Variants in ADAM17 observed in about 807,000 individuals in gnomAD.
ADAM17 encodes the protein disintegrin and metalloproteinase domain-containing protein 17.
ADAM17 carries 39 observed loss-of-function variants against 96.7 expected under a neutral mutation model. That is an observed-to-expected ratio of 0.40 (90% CI 0.31 to 0.53). The LOEUF (loss-of-function observed/expected upper bound fraction) is 0.53. Among genes scored for constraint, ADAM17 ranks in the 20% least tolerant of loss-of-function variants. ADAM17 has a pLI of 0.44. For missense variants in ADAM17, 777 were observed against 1,013.2 expected (o/e 0.77, Z 3.17); for synonymous variants, 344 against 359.2 (o/e 0.96, Z 0.48).
chr2:9,491,012 G>T, intron 18 of ADAM17, 89 bp downstream of exon 18: 1 of 1,201,528 alleles, frequency 8.3e-7, no homozygotes, highest in Non-Finnish European at 1.2e-6. Flanking sequence ...ATCAGCCAGT[G>T]AAAGCTCTTG....
At chr2:9,553,687 A>G (rs1424978344) in intron 1 of ADAM17, among the ~76,000 whole-genome samples, 2 of 150,122 alleles carry the variant, frequency 1.3e-5, no homozygotes, top group Admixed American at 1.3e-4. Context: ...AAAAAAAAAA[A>G]AAAGAAAGAA....
intron 7 of ADAM17, chr2:9,522,475 A>G: frequency 3.4e-6 from 2 of 585,394 alleles, no homozygotes; most frequent in Non-Finnish European, 6.4e-6. Context: ...AAGAGAATGA[A>G]AAGGGAAAAA....
At chr2:9,493,642 C>T (rs1662334860) in intron 16 of ADAM17, 105 bp downstream of exon 16, 1 of 935,824 alleles carries the variant, frequency 1.1e-6, no homozygotes, top group Non-Finnish European at 1.6e-6. Flanking sequence ...AATAGTTCCA[C>T]CTTCTACTGC....
chr2:9,492,233 C>G (rs1662214506), intron 17 of ADAM17, among the ~76,000 whole-genome samples: 1 of 152,236 alleles, frequency 6.6e-6, no homozygotes, highest in Admixed American at 6.5e-5. Flanking sequence ...TTTCTCATCT[C>G]TACAGCAGAC....
At chr2:9,510,978 C>A (rs1217611538) in intron 10 of ADAM17, among the ~76,000 whole-genome samples, 2 of 152,162 alleles carry the variant, frequency 1.3e-5, no homozygotes, top group Non-Finnish European at 1.5e-5. Flanking sequence ...TATACTGGAA[C>A]ATTCATAACA....
intron 10 of ADAM17, among the ~76,000 whole-genome samples, chr2:9,515,758 AG>A (rs1256629044): frequency 6.6e-6 from 1 of 151,546 alleles, no homozygotes; most frequent in Non-Finnish European, 1.5e-5. Context: ...AAAAGAAAAA[AG>A]AAAAAGAAAA....
rs1037368849 is a variant in ADAM17, at chr2:9,538,150, G to A, written c.231-1322C>T. On this transcript the variant is annotated intron_variant, in intron 2 of 18. Coordinates refer to ENST00000310823, the MANE Select transcript of ADAM17 (RefSeq NM_003183.6). ...TTCCATCCTTACATGAAAACTAGGA[G>A]TGGTGAGCAAGACTTTCTCAAGTAT... 2.3e-4 allele frequency among the ~76,000 whole-genome samples: 35 copies of A among 152,222 alleles called. 1 individual carries two copies. The South Asian group carries it at 4.2e-3, about 18-fold the overall frequency.
At chr2:9,518,578 T>G (rs560152642) in intron 8 of ADAM17, among the ~76,000 whole-genome samples, 1 of 152,264 alleles carries the variant, frequency 6.6e-6, no homozygotes, top group East Asian at 1.9e-4. Flanking sequence ...GATGCTCCAA[T>G]TCGATAAGGG....
chr2:9,552,853 C>T (rs1285929292), intron 1 of ADAM17, among the ~76,000 whole-genome samples: 1 of 152,084 alleles, frequency 6.6e-6, no homozygotes, highest in Non-Finnish European at 1.5e-5. Flanking sequence ...AAAAACCAGG[C>T]TTCATTTTAT....
At chr2:9,533,585 C>T (rs1389781452) in intron 4 of ADAM17, among the ~76,000 whole-genome samples, 1 of 152,138 alleles carries the variant, frequency 6.6e-6, no homozygotes, top group East Asian at 1.9e-4. Flanking sequence ...AGGAAATAAG[C>T]AGACATATGC....
At chr2:9,551,776 T>A (rs1353729389) in intron 1 of ADAM17, among the ~76,000 whole-genome samples, 2 of 152,176 alleles carry the variant, frequency 1.3e-5, no homozygotes, top group African/African-American at 4.8e-5. Flanking sequence ...TATTTTTAAG[T>A]AACTTTTTTT....
chr2:9,545,829 C>T (rs1222807083), intron 1 of ADAM17, among the ~76,000 whole-genome samples: 2 of 152,032 alleles, frequency 1.3e-5, no homozygotes, highest in African/African-American at 4.8e-5. Context: ...GGCGGTGGCT[C>T]GCTCCTGTAA....
intron 10 of ADAM17, 84 bp downstream of exon 10, chr2:9,517,817 T>TA (rs1558511656): frequency 1.1e-6 from 1 of 906,650 alleles, no homozygotes; most frequent in Non-Finnish European, 1.5e-6. Flanking sequence ...TTACATTTTT[T>TA]AAAAAAATAC....
chr2:9,507,811 C>A (rs540201088), intron 11 of ADAM17, among the ~76,000 whole-genome samples: 122 of 152,236 alleles, frequency 8.0e-4, no homozygotes, highest in Non-Finnish European at 1.3e-3. Context: ...CCTTGAACTC[C>A]CCGGGTTCCT....
At chr2:9,554,623 C>A (rs751279533) in intron 1 of ADAM17, among the ~76,000 whole-genome samples, 2 of 152,208 alleles carry the variant, frequency 1.3e-5, no homozygotes, top group Non-Finnish European at 2.9e-5. Context: ...TTATTTCACA[C>A]TTTATTACTA....
chr2:9,501,460 GGAC>G (rs1663000637), intron 13 of ADAM17, among the ~76,000 whole-genome samples: 1 of 152,128 alleles, frequency 6.6e-6, no homozygotes, highest in African/African-American at 2.4e-5. Flanking sequence ...GTTCCTGAAG[GGAC>G]GTAGGAGGAT....
intron 2 of ADAM17, among the ~76,000 whole-genome samples, chr2:9,541,517 C>T (rs754957025): frequency 2.0e-5 from 3 of 152,076 alleles, no homozygotes; most frequent in Non-Finnish European, 2.9e-5. Context: ...GAGCTAAGAT[C>T]GTGCCATTGC....
chr2:9,553,891 G>A (rs1382004529), intron 1 of ADAM17, among the ~76,000 whole-genome samples: 6 of 150,492 alleles, frequency 4.0e-5, no homozygotes, highest in South Asian at 2.1e-4. Flanking sequence ...GTGAAACCCC[G>A]TCTCTACTAG....
At chr2:9,547,505 A>G (rs1163757803) in intron 1 of ADAM17, among the ~76,000 whole-genome samples, 1 of 152,226 alleles carries the variant, frequency 6.6e-6, no homozygotes, top group African/African-American at 2.4e-5. Context: ...CAGAAGGATG[A>G]GGCAGCACCC....
Sources: gnomAD v4.1 joint callset for allele counts (sites outside exome capture counted in the v4.1 genomes callset) on GRCh38, gnomAD v4.1.1 for gene constraint, MANE v1.5 for transcripts, NCBI Gene and HGNC (gene_info 2026-07-23, HGNC 2026-07-21) for gene names.